Variants in ZFHX3 observed in about 807,000 individuals in gnomAD.
ZFHX3 encodes zinc finger homeobox protein 3.
Under a neutral mutation model 279.1 loss-of-function variants are expected in ZFHX3, and 42 were observed. That is an observed-to-expected ratio of 0.15 (90% CI 0.12 to 0.19). The LOEUF (loss-of-function observed/expected upper bound fraction) is 0.19, where lower values mean the gene tolerates loss of function less well. ZFHX3 is among the 10% of genes least tolerant of loss of function. The probability of loss-of-function intolerance (pLI) is 1.00; values close to 1 mark genes in which losing one functional copy is unlikely to be tolerated. For synonymous variants in ZFHX3, 2,293 were observed against 1,957.8 expected, an observed-to-expected ratio of 1.17 and a Z score of -4.52; for missense variants, 4,981 against 4,754.0, an observed-to-expected ratio of 1.05 and a Z score of -1.40.
intron 2 of ZFHX3, among the ~76,000 whole-genome samples, chr16:73,525,733 C>A (rs531902853): frequency 2.6e-4 from 39 of 152,274 alleles, no homozygotes; most frequent in Non-Finnish European, 4.4e-4. Context: ...CTAGAGAGAC[C>A]AAGGAAGGGT....
intron 1 of ZFHX3, among the ~76,000 whole-genome samples, chr16:73,770,031 T>G (rs1013997814): frequency 1.3e-5 from 2 of 152,220 alleles, no homozygotes; most frequent in South Asian, 4.1e-4. Flanking sequence ...CCTAAAGGTA[T>G]CCACACCCTA....
At chr16:72,968,021 A>AAC (rs1555535396) in intron 1 of ZFHX3, among the ~76,000 whole-genome samples, 1 of 151,368 alleles carries the variant, frequency 6.6e-6, no homozygotes, top group Non-Finnish European at 1.5e-5. Flanking sequence ...GGAAAAAAAA[A>AAC]AACAACAACA....
chr16:73,652,206 C>T (rs1400445936), intron 2 of ZFHX3, among the ~76,000 whole-genome samples: 2 of 152,012 alleles, frequency 1.3e-5, no homozygotes, highest in Non-Finnish European at 2.9e-5. Context: ...AGGAGGTGGA[C>T]CCAAAGTGAG....
chr16:73,680,938 G>C (rs2053004251), intron 1 of ZFHX3, among the ~76,000 whole-genome samples: 1 of 152,148 alleles, frequency 6.6e-6, no homozygotes. Flanking sequence ...ATACGGGAAA[G>C]ATACTATATG....
chr16:73,858,963 T>A (rs1162236533), intron 1 of ZFHX3, among the ~76,000 whole-genome samples: 2 of 152,208 alleles, frequency 1.3e-5, no homozygotes, highest in African/African-American at 4.8e-5. Flanking sequence ...TGTCCTTACA[T>A]GATTTGTGCA....
intron 3 of ZFHX3, among the ~76,000 whole-genome samples, chr16:73,389,594 T>C (rs1437082172): frequency 6.6e-6 from 1 of 152,212 alleles, no homozygotes; most frequent in Admixed American, 6.5e-5. Context: ...TCTCTCTTGA[T>C]GGTTCCAGTA....
In ZFHX3 at chr16:73,004,321, C is replaced by CTTT. The variant is rs34987461; in HGVS notation, c.-50+43428_-50+43430dup. Reference sequence around the variant, plus strand: ...TTTTTCTCTATCTGTATGCATCAATCTTTTTTTTTTTTTTTTTTTTTTTTT... The same window carrying CTTT: ...TTTTTCTCTATCTGTATGCATCAATCTTTTTTTTTTTTTTTTTTTTTTTTTTTT... On this transcript the variant is annotated intron_variant, in intron 1 of 9. Coordinates refer to ENST00000268489, the MANE Select transcript of ZFHX3 (RefSeq NM_006885.4). 9.8e-3 allele frequency among the ~76,000 whole-genome samples: 511 copies of CTTT among 52,104 alleles called. 6 individuals are homozygous for CTTT. Among genetic ancestry groups the CTTT allele is most frequent in the Non-Finnish European group, 0.011 (351 of 31,256 alleles). The allele number at this position is 52,104 out of a possible 152,430, so 34.2% of individuals were successfully genotyped here. A position where few individuals can be genotyped will look rare whatever the true frequency, so the allele number is the denominator to read the frequency against.
At chr16:73,033,910 G>A (rs556691343) in intron 1 of ZFHX3, among the ~76,000 whole-genome samples, 34 of 152,136 alleles carry the variant, frequency 2.2e-4, no homozygotes, top group Non-Finnish European at 4.3e-4. Context: ...AGGACTTCCC[G>A]GCCGCTCTGA....
chr16:72,818,284 A>G (rs1295574642), intron 5 of ZFHX3, among the ~76,000 whole-genome samples: 1 of 152,150 alleles, frequency 6.6e-6, no homozygotes, highest in Non-Finnish European at 1.5e-5. Context: ...CAGAAATGCA[A>G]TGTTTCCAGA....
At chr16:73,201,723 A>G (rs2144899662) in intron 5 of ZFHX3, among the ~76,000 whole-genome samples, 1 of 152,324 alleles carries the variant, frequency 6.6e-6, no homozygotes, top group Middle Eastern at 3.4e-3. Context: ...AATAATGAAG[A>G]TGAAGATTCA....
At chr16:73,509,995 C>T (rs988776022) in intron 2 of ZFHX3, among the ~76,000 whole-genome samples, 1 of 152,196 alleles carries the variant, frequency 6.6e-6, no homozygotes, top group African/African-American at 2.4e-5. Flanking sequence ...CACGCCCGGC[C>T]TTTGCCTGTC....
intron 2 of ZFHX3, among the ~76,000 whole-genome samples, chr16:73,573,099 G>C (rs1567522311): frequency 6.6e-6 from 1 of 152,186 alleles, no homozygotes; most frequent in Non-Finnish European, 1.5e-5. Context: ...CTGAGCCCAA[G>C]ATAATAAGAG....
intron 2 of ZFHX3, among the ~76,000 whole-genome samples, chr16:73,604,669 C>T (rs750192150): frequency 1.3e-5 from 2 of 151,450 alleles, no homozygotes; most frequent in African/African-American, 2.4e-5. Flanking sequence ...GGCTTCACCC[C>T]GGGAGGCGGA....
intron 2 of ZFHX3, among the ~76,000 whole-genome samples, chr16:73,589,604 C>G (rs181683551): frequency 0.018 from 2,793 of 151,102 alleles, 98 homozygotes; most frequent in African/African-American, 0.065. Context: ...GTGGTGGGTG[C>G]CTGTAGTCCC....
At chr16:73,665,175 G>A (rs2052823616) in intron 2 of ZFHX3, among the ~76,000 whole-genome samples, 4 of 150,782 alleles carry the variant, frequency 2.7e-5, no homozygotes, top group Admixed American at 2.6e-4. Context: ...GGTGCTTGGG[G>A]ACCATTGAAG....
chr16:73,860,849 A>AC (rs1181576430), intron 1 of ZFHX3, among the ~76,000 whole-genome samples: 1 of 151,958 alleles, frequency 6.6e-6, no homozygotes, highest in Admixed American at 6.6e-5. Flanking sequence ...CACTCCCCCA[A>AC]CCCCCACTCA....
At chr16:72,892,214 G>A (rs888556031) in intron 3 of ZFHX3, among the ~76,000 whole-genome samples, 2 of 152,216 alleles carry the variant, frequency 1.3e-5, no homozygotes, top group Non-Finnish European at 2.9e-5. Flanking sequence ...GAGGGGGGTT[G>A]AAGCCCTCAA....
intron 4 of ZFHX3, among the ~76,000 whole-genome samples, chr16:73,316,653 C>T (rs1415249908): frequency 6.6e-6 from 1 of 152,190 alleles, no homozygotes; most frequent in Non-Finnish European, 1.5e-5. Flanking sequence ...CCCCACTCCA[C>T]TAGATCTAGT....
intron 1 of ZFHX3, among the ~76,000 whole-genome samples, chr16:73,840,237 C>A (rs1328644489): frequency 6.6e-6 from 1 of 152,022 alleles, no homozygotes; most frequent in Non-Finnish European, 1.5e-5. Context: ...AGGAAAACAG[C>A]CAAGAGGAGG....
Sources: gnomAD v4.1 joint callset for allele counts (sites outside exome capture counted in the v4.1 genomes callset) on GRCh38, gnomAD v4.1.1 for gene constraint, MANE v1.5 for transcripts, NCBI Gene and HGNC (gene_info 2026-07-23, HGNC 2026-07-21) for gene names.